SEMA6D: variants seen among roughly 807,000 people sequenced by gnomAD.
SEMA6D encodes semaphorin-6D.
Under a neutral mutation model 106.6 loss-of-function variants are expected in SEMA6D, and 35 were observed. That is an observed-to-expected ratio of 0.33 (90% CI 0.25 to 0.44). The LOEUF is 0.44. Ranked by LOEUF, SEMA6D falls within the 20% of genes least tolerant of loss-of-function variation. SEMA6D has a pLI of 1.00. For synonymous variants in SEMA6D, 499 were observed against 487.7 expected (o/e 1.02, Z -0.31); for missense variants, 1,185 against 1,345.9 (o/e 0.88, Z 1.87).
At chr15:47,611,691 T>C (rs2076909542) in intron 4 of SEMA6D, among the ~76,000 whole-genome samples, 1 of 152,138 alleles carries the variant, frequency 6.6e-6, no homozygotes, top group Admixed American at 6.5e-5. Context: ...AGTTAAGACG[T>C]AAAGGATTAG....
chr15:47,558,792 A>G (rs959075810), intron 3 of SEMA6D, among the ~76,000 whole-genome samples: 2 of 152,116 alleles, frequency 1.3e-5, no homozygotes, highest in Non-Finnish European at 2.9e-5. Context: ...AATAGTGCAT[A>G]AACAGAATAG....
chr15:47,336,150 G>C (rs1322738483), intron 1 of SEMA6D, among the ~76,000 whole-genome samples: 8 of 152,148 alleles, frequency 5.3e-5, no homozygotes, highest in African/African-American at 1.9e-4. Flanking sequence ...AAAATGTAAA[G>C]GTTTATGTGA....
chr15:47,453,932 T>C (rs2042266086), intron 2 of SEMA6D, among the ~76,000 whole-genome samples: 1 of 151,978 alleles, frequency 6.6e-6, no homozygotes, highest in African/African-American at 2.4e-5. Flanking sequence ...TTTCTATTGA[T>C]GCTCTTTTTG....
intron 1 of SEMA6D, among the ~76,000 whole-genome samples, chr15:47,189,133 A>T (rs190676688): frequency 1.7e-4 from 26 of 151,790 alleles, no homozygotes; most frequent in Admixed American, 1.7e-3. Flanking sequence ...GGTAGTGGAA[A>T]CTCCCATACA....
intron 1 of SEMA6D, among the ~76,000 whole-genome samples, chr15:47,390,347 A>G (rs1358988715): frequency 6.6e-6 from 1 of 152,194 alleles, no homozygotes; most frequent in Non-Finnish European, 1.5e-5. Flanking sequence ...CCCTTAACTA[A>G]AGACATAGCT....
At chr15:47,262,286 A>G (rs1161900648) in intron 1 of SEMA6D, among the ~76,000 whole-genome samples, 1 of 152,182 alleles carries the variant, frequency 6.6e-6, no homozygotes, top group East Asian at 1.9e-4. Context: ...GTTCAATGTT[A>G]TGCCTATTAA....
At chr15:47,380,036 G>A (rs149449086) in intron 1 of SEMA6D, among the ~76,000 whole-genome samples, 3,927 of 152,244 alleles carry the variant, frequency 0.026, 75 homozygotes, top group South Asian at 0.093. Context: ...GATTACAGGC[G>A]TGAGCCACCA....
intron 4 of SEMA6D, among the ~76,000 whole-genome samples, chr15:47,662,228 C>T (rs574888339): frequency 1.3e-5 from 2 of 152,262 alleles, no homozygotes; most frequent in East Asian, 3.9e-4. Flanking sequence ...CCCTCACCCC[C>T]CACCCCAACA....
intron 4 of SEMA6D, among the ~76,000 whole-genome samples, chr15:47,640,734 C>T (rs1365126098): frequency 1.3e-5 from 2 of 152,228 alleles, no homozygotes; most frequent in African/African-American, 2.4e-5. Flanking sequence ...TGTTATATAA[C>T]GCGTTTCTTA....
chr15:47,376,985 C>T (rs2039471620), intron 1 of SEMA6D, among the ~76,000 whole-genome samples: 1 of 152,128 alleles, frequency 6.6e-6, no homozygotes, highest in African/African-American at 2.4e-5. Flanking sequence ...TGATCAGTGG[C>T]CCCATATTCA....
At chr15:47,324,183 T>C (rs6493272) in intron 1 of SEMA6D, among the ~76,000 whole-genome samples, 79,446 of 151,990 alleles carry the variant, frequency 0.52, 24,095 homozygotes, top group African/African-American at 0.85. Flanking sequence ...ATGCAGTCAA[T>C]ACATCAATAT....
chr15:47,216,412 C>A (rs1412043971), intron 1 of SEMA6D, among the ~76,000 whole-genome samples: 1 of 152,206 alleles, frequency 6.6e-6, no homozygotes, highest in South Asian at 2.1e-4. Context: ...TATCCCTTCA[C>A]AAAAGAAAAT....
At chr15:47,557,006 G>A (rs181881711) in intron 3 of SEMA6D, among the ~76,000 whole-genome samples, 419 of 152,154 alleles carry the variant, frequency 2.8e-3, no homozygotes, top group African/African-American at 9.3e-3. Flanking sequence ...TACCTTAAAC[G>A]ACTTCTCATG....
At chr15:47,422,369 A>T (rs981810542) in intron 2 of SEMA6D, among the ~76,000 whole-genome samples, 1 of 152,072 alleles carries the variant, frequency 6.6e-6, no homozygotes, top group African/African-American at 2.4e-5. Context: ...GTTAAAACAG[A>T]TAAGTTTCCA....
At chr15:47,248,210 G>T (rs1290973915) in intron 1 of SEMA6D, among the ~76,000 whole-genome samples, 1 of 152,042 alleles carries the variant, frequency 6.6e-6, no homozygotes, top group East Asian at 1.9e-4. Context: ...AATCAAAAAA[G>T]AAGCTAGGTT....
chr15:47,650,509 C>G (rs558128372), intron 4 of SEMA6D, among the ~76,000 whole-genome samples: 2 of 152,308 alleles, frequency 1.3e-5, no homozygotes. Flanking sequence ...ATAGCTGACA[C>G]CAAGCTCGGT....
chr15:47,672,391 G>A (rs374407803), intron 4 of SEMA6D, among the ~76,000 whole-genome samples: 9 of 152,116 alleles, frequency 5.9e-5, no homozygotes, highest in African/African-American at 2.2e-4. Context: ...ATCTTCTGTT[G>A]ACTACAGACC....
At chr15:47,321,326 A>G (rs1486215425) in intron 1 of SEMA6D, among the ~76,000 whole-genome samples, 1 of 152,190 alleles carries the variant, frequency 6.6e-6, no homozygotes, top group Non-Finnish European at 1.5e-5. Flanking sequence ...GAACACAGTG[A>G]CTAATATGAA....
At chr15:47,453,597 G>T (rs922818958) in intron 2 of SEMA6D, among the ~76,000 whole-genome samples, 1 of 152,040 alleles carries the variant, frequency 6.6e-6, no homozygotes, top group East Asian at 1.9e-4. Flanking sequence ...AATTTATGTA[G>T]TAACAGCACG....
Sources: allele counts gnomAD v4.1 joint callset (sites outside exome capture counted in the v4.1 genomes callset), GRCh38; gene constraint gnomAD v4.1.1; transcripts MANE v1.5; gene names NCBI Gene and HGNC (gene_info 2026-07-23, HGNC 2026-07-21).